The following ANKS1A variants were observed in gnomAD, a reference collection of about 807,000 sequenced individuals.
The protein encoded by ANKS1A is ankyrin repeat and SAM domain-containing protein 1A.
ANKS1A carries 55 observed loss-of-function variants against 120.3 expected under a neutral mutation model. The ratio of observed to expected loss-of-function variants is 0.46; its 90% CI spans 0.37 to 0.57. The LOEUF (loss-of-function observed/expected upper bound fraction) is 0.57, where lower values mean the gene tolerates loss of function less well. Ranked by LOEUF, ANKS1A falls within the 20% of genes least tolerant of loss-of-function variation. ANKS1A has a pLI of 0.00. For synonymous variants in ANKS1A, 590 were observed against 604.7 expected (o/e 0.98, Z 0.36); for missense variants, 1,123 against 1,480.3 (o/e 0.76, Z 3.96).
chr6:34,958,280 C>G (rs1252032108), intron 1 of ANKS1A, among the ~76,000 whole-genome samples: 1 of 152,212 alleles, frequency 6.6e-6, no homozygotes, highest in Non-Finnish European at 1.5e-5. Context: ...TAGCCTGATT[C>G]AAACAGCCGC....
At chr6:35,003,813 A>G (rs539794383) in intron 10 of ANKS1A, among the ~76,000 whole-genome samples, 70 of 152,354 alleles carry the variant, frequency 4.6e-4, no homozygotes, top group African/African-American at 1.6e-3. Flanking sequence ...GAGAGTCTCA[A>G]AGAGGGGAAA....
intron 1 of ANKS1A, among the ~76,000 whole-genome samples, chr6:34,912,401 G>A (rs942464882): frequency 1.3e-5 from 2 of 152,208 alleles, no homozygotes; most frequent in African/African-American, 4.8e-5. Flanking sequence ...CCTTTAGAAG[G>A]GACGGGTGGT....
chr6:35,050,313 A>T lies in ANKS1A; in HGVS notation c.2011-3786A>T, dbSNP rs1383000251. ...AACTTTCAAGTCCTTATATTAACAA[A>T]CACGAGTATAAGTTTTCAGTCAGTT... On this transcript the variant is annotated intron_variant, in intron 11 of 23. Coordinates refer to ENST00000360359, the MANE Select transcript of ANKS1A (RefSeq NM_015245.3). The surrounding 1 kb of genome is among the most constrained non-coding windows in gnomAD (Gnocchi z 4.3). 6.6e-6 allele frequency among the ~76,000 whole-genome samples: 1 copy of T among 152,226 alleles called. No homozygotes were observed. Among genetic ancestry groups the T allele is most frequent in the African/African-American group, 2.4e-5 (1 of 41,452 alleles).
intron 1 of ANKS1A, among the ~76,000 whole-genome samples, chr6:34,929,835 C>CTT (rs1349690866): frequency 1.5e-5 from 2 of 130,086 alleles, no homozygotes; most frequent in African/African-American, 5.7e-5. Context: ...TTCTTTCTTT[C>CTT]TCTCTTTCTT....
intron 3 of ANKS1A, chr6:34,972,642 A>T (rs980715662): frequency 3.3e-5 from 33 of 985,110 alleles, no homozygotes; most frequent in Admixed American, 6.1e-5. Flanking sequence ...ATCAATGCCA[A>T]GGTGTGTACT....
chr6:35,080,478 C>T (rs773355547), intron 16 of ANKS1A, among the ~76,000 whole-genome samples: 1 of 152,222 alleles, frequency 6.6e-6, no homozygotes, highest in Non-Finnish European at 1.5e-5. Flanking sequence ...CCCGAGCCCT[C>T]GGGTGCACTG....
At chr6:35,015,816 C>T (rs1773970740) in intron 10 of ANKS1A, among the ~76,000 whole-genome samples, 1 of 152,222 alleles carries the variant, frequency 6.6e-6, no homozygotes, top group Non-Finnish European at 1.5e-5. Context: ...CATGCTTGGG[C>T]ATTGGAGACT....
chr6:35,040,337 G>A (rs1337184679), intron 11 of ANKS1A, among the ~76,000 whole-genome samples: 1 of 152,238 alleles, frequency 6.6e-6, no homozygotes, highest in African/African-American at 2.4e-5. Context: ...GGCCCTGCTT[G>A]CTGAATCTGC....
intron 10 of ANKS1A, among the ~76,000 whole-genome samples, chr6:34,996,299 T>C (rs1772851260): frequency 6.6e-6 from 1 of 152,200 alleles, no homozygotes; most frequent in Non-Finnish European, 1.5e-5. Context: ...TTTCTTATTA[T>C]TGAGTTGTGA....
Position 35,089,586 on chromosome 6 carries a change from C to T in ANKS1A, c.*977C>T, listed in dbSNP as rs184792872. The T allele has an allele frequency of 2.5e-5, 25 of 986,512 alleles. No individual in the cohort carries two copies. Among genetic ancestry groups the T allele is most frequent in the Middle Eastern group, 5.2e-4 (1 of 1,916 alleles). The allele number at this position is 986,512 out of a possible 1,614,324, so 61.1% of individuals were successfully genotyped here. A position where few individuals can be genotyped will look rare whatever the true frequency, so the allele number is the denominator to read the frequency against. ...TTGATTCTCTGAATTATCGGTTTGA[C>T]GGTTACACTTGGCTGCTGGGCCCAT... is the stretch of plus-strand genomic sequence containing the variant. On this transcript the variant is annotated 3_prime_UTR_variant, in exon 24 of 24. Transcript: ENST00000360359.
At chr6:34,923,658 A>C (rs2127467539) in intron 1 of ANKS1A, among the ~76,000 whole-genome samples, 2 of 152,328 alleles carry the variant, frequency 1.3e-5, no homozygotes, top group South Asian at 4.1e-4. Context: ...TTTTAAACTC[A>C]GGTCTATCAA....
At chr6:34,974,886 C>T (rs180832191) in intron 3 of ANKS1A, among the ~76,000 whole-genome samples, 22 of 152,238 alleles carry the variant, frequency 1.4e-4, no homozygotes, top group African/African-American at 1.2e-4. Flanking sequence ...TAGTAGATGA[C>T]GCTTAATGAA....
At chr6:34,951,671 G>T (rs759582781) in intron 1 of ANKS1A, among the ~76,000 whole-genome samples, 1 of 152,048 alleles carries the variant, frequency 6.6e-6, no homozygotes, top group African/African-American at 2.4e-5. Context: ...GAAAATTCTT[G>T]TCATTTTAAT....
At chr6:35,035,143 T>C (rs1775103127) in intron 11 of ANKS1A, among the ~76,000 whole-genome samples, 1 of 152,236 alleles carries the variant, frequency 6.6e-6, no homozygotes. Flanking sequence ...CACTTTACTT[T>C]ATCAGCAGGT....
At chr6:34,977,096 TA>T (rs1296064684) in intron 3 of ANKS1A, among the ~76,000 whole-genome samples, 1 of 152,176 alleles carries the variant, frequency 6.6e-6, no homozygotes, top group African/African-American at 2.4e-5. Flanking sequence ...TACATATTAA[TA>T]ATATGGAACA....
intron 1 of ANKS1A, among the ~76,000 whole-genome samples, chr6:34,896,548 GTAGT>G: frequency 1.3e-5 from 2 of 152,316 alleles, no homozygotes; most frequent in East Asian, 3.9e-4. Flanking sequence ...GACTTTTGTG[GTAGT>G]TACTTTATAT....
chr6:35,001,338 G>A (rs761991871), intron 10 of ANKS1A, among the ~76,000 whole-genome samples: 56 of 152,360 alleles, frequency 3.7e-4, no homozygotes, highest in Non-Finnish European at 6.9e-4. Flanking sequence ...ATGCCTGGTT[G>A]GAATGGATCA....
At chr6:34,993,812 C>T (rs967148849) in intron 9 of ANKS1A, among the ~76,000 whole-genome samples, 15 of 152,142 alleles carry the variant, frequency 9.9e-5, no homozygotes, top group South Asian at 4.1e-4. Context: ...TCTGCCTTCA[C>T]GATGGAGCAT....
rs751706109 is a variant in ANKS1A, at chr6:35,085,791, C to T, written c.3158C>T (p.Thr1053Met). 2.5e-6 allele frequency: 4 copies of T among 1,603,916 alleles called. No homozygotes were observed. The highest frequency in any genetic ancestry group is 2.6e-6 in the Non-Finnish European group (3 of 1,175,852). The change falls in exon 22 of 24, where the codon ACG becomes ATG. Residue 1053 changes from threonine to methionine, a missense_variant. Around this residue, in one of 3 missense-constraint regions of ANKS1A, gnomAD observed 904 missense variants for 1,130.4 expected, o/e 0.80. Coordinates refer to ENST00000360359, the MANE Select transcript of ANKS1A (RefSeq NM_015245.3). The surrounding 1 kb of genome is among the most constrained non-coding windows in gnomAD (Gnocchi z 4.7). ...AACCTGACCTACGAGATCATCCTGA[C>T]GCTGGGGCAGGCCTTCGAAGTGGCC... is the stretch of plus-strand genomic sequence containing the variant. Reference protein sequence around the residue: ...DVNLTYEIILTLGQAFEVAYQ... With the variant: ...DVNLTYEIILMLGQAFEVAYQ...
Sources: allele counts gnomAD v4.1 joint callset (sites outside exome capture counted in the v4.1 genomes callset), GRCh38; gene constraint gnomAD v4.1.1; regional missense constraint gnomAD v4.1.1; non-coding constraint Gnocchi (gnomAD v3.1); transcripts MANE v1.5; gene names NCBI Gene and HGNC (gene_info 2026-07-23, HGNC 2026-07-21).